Variants in PRORP observed in about 807,000 individuals in gnomAD.
The protein encoded by PRORP is protein only RNase P catalytic subunit, also known as mitochondrial ribonuclease P catalytic subunit.
In PRORP, 51 loss-of-function variants were observed where a neutral mutation model predicts 59.4. The observed-to-expected ratio is 0.86, with a 90% CI of 0.69 to 1.08. PRORP has a LOEUF of 1.08. Among genes scored for constraint, PRORP ranks in the 50% least tolerant of loss-of-function variants. The pLI is 0.00. For missense variants in PRORP, 646 were observed against 690.3 expected (o/e 0.94, Z 0.72); for synonymous variants, 231 against 245.6 (o/e 0.94, Z 0.55).
rs142008865 is a variant in PRORP at position 35,148,158 on chromosome 14, C to T, written c.1167+20547C>T. On this transcript the variant is annotated intron_variant, in intron 4 of 7. Coordinates refer to ENST00000534898, the MANE Select transcript of PRORP (RefSeq NM_014672.4). The stretch of plus-strand genomic sequence containing the variant: ...CAAATGTTCTTAGTGGCATGTAGAT[C>T]GGTGAATCCTTTCCAGAAAGTTTTC... 5.7e-4 allele frequency among the ~76,000 whole-genome samples: 87 copies of T among 152,342 alleles called. No homozygotes were observed. In the East Asian group the frequency reaches 0.013, roughly 23 times the overall value.
At chr14:35,206,750 C>T (rs1238013268) in intron 5 of PRORP, among the ~76,000 whole-genome samples, 1 of 152,164 alleles carries the variant, frequency 6.6e-6, no homozygotes, top group African/African-American at 2.4e-5. Flanking sequence ...TTAATCATCT[C>T]CTTTCTAAGG....
At chr14:35,161,027 T>TAGGTTATGGGTCCTTTCAGGG in intron 4 of PRORP, among the ~76,000 whole-genome samples, 1 of 152,192 alleles carries the variant, frequency 6.6e-6, no homozygotes, top group East Asian at 1.9e-4. Context: ...TGGAAGCAGT[T>TAGGTTATGGGTCCTTTCAGGG]AGGTTATGGG....
intron 5 of PRORP, among the ~76,000 whole-genome samples, chr14:35,257,967 A>G (rs1210385667): frequency 1.3e-5 from 2 of 152,094 alleles, no homozygotes; most frequent in East Asian, 3.8e-4. Flanking sequence ...TTTCTAACCC[A>G]TGTAGCCCTG....
chr14:35,181,936 C>T (rs757378822), intron 5 of PRORP, among the ~76,000 whole-genome samples: 10 of 151,834 alleles, frequency 6.6e-5, no homozygotes, highest in Non-Finnish European at 1.3e-4. Context: ...CAAAACTGAA[C>T]TAAAAAATAT....
At chr14:35,246,164 G>A (rs553351517) in intron 5 of PRORP, among the ~76,000 whole-genome samples, 10 of 152,034 alleles carry the variant, frequency 6.6e-5, no homozygotes, top group Non-Finnish European at 1.0e-4. Flanking sequence ...AAAATTTTAC[G>A]GTGCTGTGAC....
At chr14:35,138,974 A>G (rs1390388756) in intron 4 of PRORP, among the ~76,000 whole-genome samples, 1 of 144,738 alleles carries the variant, frequency 6.9e-6, no homozygotes, top group African/African-American at 2.4e-5. Flanking sequence ...TATTTTTTGT[A>G]GAGACGGGGT....
chr14:35,153,566 A>C (rs1415966991), intron 4 of PRORP, among the ~76,000 whole-genome samples: 1 of 152,232 alleles, frequency 6.6e-6, no homozygotes, highest in Non-Finnish European at 1.5e-5. Context: ...TATGAGTTCT[A>C]TTCATTAAGC....
At chr14:35,218,647 C>T (rs1468523110) in intron 5 of PRORP, among the ~76,000 whole-genome samples, 8 of 151,538 alleles carry the variant, frequency 5.3e-5, no homozygotes, top group Non-Finnish European at 8.8e-5. Flanking sequence ...CTGCCTCAGC[C>T]TCCCGAGTAG....
At chr14:35,134,315 C>T (rs564890486) in intron 4 of PRORP, among the ~76,000 whole-genome samples, 2 of 152,324 alleles carry the variant, frequency 1.3e-5, no homozygotes, top group African/African-American at 2.4e-5. Flanking sequence ...CTCATAAGGC[C>T]GAAAGGCTCT....
chr14:35,259,708 T>G (rs2138628027), intron 5 of PRORP, among the ~76,000 whole-genome samples: 1 of 152,074 alleles, frequency 6.6e-6, no homozygotes, highest in East Asian at 1.9e-4. Flanking sequence ...CTGGCCAACA[T>G]GGTGAAAATC....
chr14:35,192,274 A>G (rs1430125765), intron 5 of PRORP, among the ~76,000 whole-genome samples: 2 of 152,180 alleles, frequency 1.3e-5, no homozygotes, highest in Non-Finnish European at 2.9e-5. Flanking sequence ...TCCATCTTCA[A>G]ATGGCTGGAT....
chr14:35,133,319 G>A (rs1022497722), intron 4 of PRORP, among the ~76,000 whole-genome samples: 3 of 152,182 alleles, frequency 2.0e-5, no homozygotes, highest in African/African-American at 7.2e-5. Flanking sequence ...CAGCATGCCA[G>A]TTACATTTTT....
At position 35,226,841 on chromosome 14, in the gene PRORP, C is replaced by A. The variant is rs547331692; in HGVS notation, c.1276-39886C>A. Among the ~76,000 whole-genome samples the A allele has an allele frequency of 2.6e-5, 4 of 152,082 alleles. No homozygotes were observed. In the East Asian group the frequency reaches 7.8e-4, roughly 30 times the overall value. On this transcript the variant is annotated intron_variant, in intron 5 of 7. Coordinates refer to ENST00000534898, the MANE Select transcript of PRORP (RefSeq NM_014672.4). The stretch of plus-strand genomic sequence containing the variant: ...CCTCAAACTCCCAGGCTCAGGTGAT[C>A]CTCCCACTTCAGCCTCCCAAGTAAC...
intron 7 of PRORP, among the ~76,000 whole-genome samples, chr14:35,271,325 A>G (rs2051183994): frequency 6.6e-6 from 1 of 151,170 alleles, no homozygotes; most frequent in Non-Finnish European, 1.5e-5. Flanking sequence ...CGCCGAGCTA[A>G]TTTTTGTATT....
intron 5 of PRORP, among the ~76,000 whole-genome samples, chr14:35,234,608 A>AT (rs1193960638): frequency 2.1e-5 from 3 of 143,978 alleles, no homozygotes; most frequent in Admixed American, 6.9e-5. Flanking sequence ...TACTTACTTC[A>AT]TTTTTTTTTA....
upstream of PRORP, chr14:35,121,940 A>C (rs777127421): frequency 6.2e-7 from 1 of 1,614,186 alleles, no homozygotes. Flanking sequence ...GCGCCGACGA[A>C]GAACTTCTTT....
chr14:35,150,449 G>A (rs893757287), intron 4 of PRORP, among the ~76,000 whole-genome samples: 3 of 152,066 alleles, frequency 2.0e-5, no homozygotes, highest in Admixed American at 6.5e-5. Context: ...CAGGTATGTC[G>A]GTGCAAGAAT....
chr14:35,244,242 C>T (rs905712483), intron 5 of PRORP, among the ~76,000 whole-genome samples: 4 of 152,106 alleles, frequency 2.6e-5, no homozygotes, highest in Non-Finnish European at 4.4e-5. Context: ...GTAATATTTG[C>T]CAAATCTTCC....
chr14:35,129,025 C>T (rs533301034), intron 4 of PRORP, among the ~76,000 whole-genome samples: 279 of 148,782 alleles, frequency 1.9e-3, no homozygotes, highest in Non-Finnish European at 3.1e-3. Flanking sequence ...AGTGAAACCC[C>T]GTTTCTACTA....
Sources: allele counts gnomAD v4.1 joint callset (sites outside exome capture counted in the v4.1 genomes callset), GRCh38; gene constraint gnomAD v4.1.1; transcripts MANE v1.5; gene names NCBI Gene and HGNC (gene_info 2026-07-23, HGNC 2026-07-21).